NRXN3: variants seen among roughly 807,000 people sequenced by gnomAD.
The protein encoded by NRXN3 is neurexin III.
In NRXN3, 32 loss-of-function variants were observed where a neutral mutation model predicts 137.6. The ratio of observed to expected loss-of-function variants is 0.23; its 90% CI spans 0.18 to 0.31. The LOEUF is 0.31. NRXN3 is among the 10% of genes least tolerant of loss of function. The pLI, the probability that NRXN3 is intolerant of heterozygous loss-of-function variation, is 1.00. For synonymous variants in NRXN3, 798 were observed against 784.5 expected (o/e 1.02, Z -0.29); for missense variants, 1,574 against 2,062.5 (o/e 0.76, Z 4.59).
chr14:79,769,167 C>T (rs550865869), intron 19 of NRXN3, among the ~76,000 whole-genome samples: 3 of 136,376 alleles, frequency 2.2e-5, no homozygotes, highest in Non-Finnish European at 3.3e-5. Flanking sequence ...TGAAAGTGAC[C>T]GGGAGAATGG....
At chr14:78,531,731 C>G (rs2096464446) in intron 4 of NRXN3, among the ~76,000 whole-genome samples, 1 of 152,084 alleles carries the variant, frequency 6.6e-6, no homozygotes, top group South Asian at 2.1e-4. Context: ...AAAGATGTAG[C>G]CAGTAGAGGC....
chr14:79,066,052 T>C (rs1456303093), intron 15 of NRXN3, among the ~76,000 whole-genome samples: 4 of 152,166 alleles, frequency 2.6e-5, no homozygotes, highest in Non-Finnish European at 4.4e-5. Context: ...GGCGTTTTTG[T>C]CATGAAATTT....
At chr14:79,332,229 C>A (rs899015926) in intron 15 of NRXN3, among the ~76,000 whole-genome samples, 3 of 152,164 alleles carry the variant, frequency 2.0e-5, no homozygotes, top group Admixed American at 2.0e-4. Context: ...TCGCACCAAC[C>A]TTATACTGCT....
intron 4 of NRXN3, among the ~76,000 whole-genome samples, chr14:78,383,769 T>C (rs1363470477): frequency 1.3e-5 from 2 of 152,134 alleles, no homozygotes; most frequent in African/African-American, 4.8e-5. Context: ...TGAGAGCAGA[T>C]AGGATGGAGA....
intron 15 of NRXN3, among the ~76,000 whole-genome samples, chr14:79,020,644 G>T (rs1006263746): frequency 4.6e-5 from 7 of 151,814 alleles, no homozygotes; most frequent in Non-Finnish European, 8.8e-5. Flanking sequence ...TGATTAGAGG[G>T]GTGGAAGTTT....
intron 10 of NRXN3, among the ~76,000 whole-genome samples, chr14:78,854,177 G>C (rs1172531591): frequency 6.6e-6 from 1 of 152,206 alleles, no homozygotes; most frequent in Non-Finnish European, 1.5e-5. Flanking sequence ...CTTGGCAGCT[G>C]TCATCAGCCG....
intron 4 of NRXN3, among the ~76,000 whole-genome samples, chr14:78,599,968 C>T (rs1274767295): frequency 6.6e-6 from 1 of 152,192 alleles, no homozygotes; most frequent in African/African-American, 2.4e-5. Flanking sequence ...CACTTCACTG[C>T]ACTGCAAGTC....
At chr14:79,367,592 T>G (rs960028974) in intron 15 of NRXN3, among the ~76,000 whole-genome samples, 1 of 152,088 alleles carries the variant, frequency 6.6e-6, no homozygotes, top group Admixed American at 6.5e-5. Flanking sequence ...GAAGAAAGAA[T>G]AAGAACTAAT....
intron 10 of NRXN3, among the ~76,000 whole-genome samples, chr14:78,895,757 C>T (rs1405862410): frequency 1.3e-5 from 2 of 151,652 alleles, no homozygotes; most frequent in African/African-American, 2.4e-5. Context: ...AATACTTAGG[C>T]CTTTGTGGGA....
chr14:79,857,433 A>G (rs1208921514), intron 20 of NRXN3, among the ~76,000 whole-genome samples: 2 of 152,276 alleles, frequency 1.3e-5, no homozygotes, highest in East Asian at 3.9e-4. Context: ...CGTGTTAGCC[A>G]GGATGGTTTC....
intron 16 of NRXN3, among the ~76,000 whole-genome samples, chr14:79,536,831 T>TAC (rs1289227103): frequency 6.6e-6 from 1 of 152,166 alleles, no homozygotes; most frequent in African/African-American, 2.4e-5. Flanking sequence ...GGTATCTATA[T>TAC]ACCACATTGT....
At chr14:79,125,642 G>C (rs1455831676) in intron 15 of NRXN3, among the ~76,000 whole-genome samples, 2 of 152,126 alleles carry the variant, frequency 1.3e-5, no homozygotes, top group African/African-American at 4.8e-5. Context: ...CTTGCAACAA[G>C]ATTGTCATCA....
At chr14:79,227,739 C>CTTCTTCCT (rs1350838258) in intron 15 of NRXN3, among the ~76,000 whole-genome samples, 1 of 63,790 alleles carries the variant, frequency 1.6e-5, no homozygotes, top group Non-Finnish European at 3.2e-5. Flanking sequence ...TCTCCTTTCT[C>CTTCTTCCT]TCCTTCCTTC....
At chr14:79,634,816 CG>C (rs1425998334) in intron 16 of NRXN3, among the ~76,000 whole-genome samples, 1 of 152,172 alleles carries the variant, frequency 6.6e-6, no homozygotes, top group African/African-American at 2.4e-5. Context: ...CTTTCCCCAT[CG>C]CCACCACGTC....
Position 79,738,315 on chromosome 14 carries a change from CCACA to C in NRXN3, c.4014+40415_4014+40418del, listed in dbSNP as rs10539564. ...TGAGGCAGAGGGGGCATTTCCCCCGCCACACACACACACACACACACACACACAC... is the reference window on the plus strand; with the variant it reads ...TGAGGCAGAGGGGGCATTTCCCCCGCCACACACACACACACACACACACAC... On this transcript the variant is annotated intron_variant, in intron 19 of 20. Coordinates refer to ENST00000335750, the MANE Select transcript of NRXN3 (RefSeq NM_001330195.2). Among the ~76,000 whole-genome samples the C allele has an allele frequency of 2.4e-3, 325 of 138,048 alleles. 4 individuals are homozygous for C. Among genetic ancestry groups the C allele is most frequent in the East Asian group, 0.019 (87 of 4,570 alleles). 90.6% of individuals were successfully genotyped at this position (138,048 alleles called of 152,430 possible). A position where few individuals can be genotyped will look rare whatever the true frequency, so the allele number is the denominator to read the frequency against.
intron 16 of NRXN3, among the ~76,000 whole-genome samples, chr14:79,590,843 T>A (rs1330796072): frequency 2.0e-5 from 3 of 152,224 alleles, no homozygotes; most frequent in African/African-American, 4.8e-5. Context: ...TGCTTTTGCA[T>A]CAAATTTCAA....
intron 4 of NRXN3, among the ~76,000 whole-genome samples, chr14:78,583,006 T>C (rs1231410638): frequency 6.6e-6 from 1 of 152,208 alleles, no homozygotes; most frequent in Non-Finnish European, 1.5e-5. Context: ...GCTGGAATGC[T>C]GCTGAGATCC....
chr14:79,303,068 C>T (rs1197933438), intron 15 of NRXN3, among the ~76,000 whole-genome samples: 2 of 151,922 alleles, frequency 1.3e-5, no homozygotes, highest in Non-Finnish European at 2.9e-5. Flanking sequence ...AGTAACTTAC[C>T]CAACAACACA....
intron 6 of NRXN3, among the ~76,000 whole-genome samples, chr14:78,687,338 C>T (rs942490830): frequency 6.6e-6 from 1 of 152,074 alleles, no homozygotes; most frequent in East Asian, 1.9e-4. Context: ...CTAGAAGAGA[C>T]AGAAGATACA....
Sources: gnomAD v4.1 joint callset for allele counts (sites outside exome capture counted in the v4.1 genomes callset) on GRCh38, gnomAD v4.1.1 for gene constraint, MANE v1.5 for transcripts, NCBI Gene and HGNC (gene_info 2026-07-23, HGNC 2026-07-21) for gene names.